Variants in DDR2 observed in about 807,000 individuals in gnomAD.
The protein encoded by DDR2 is discoidin domain receptor tyrosine kinase 2, also known as discoidin domain-containing receptor 2.
DDR2 carries 27 observed loss-of-function variants against 94.9 expected under a neutral mutation model. That is an observed-to-expected ratio of 0.28 (90% CI 0.21 to 0.39). The LOEUF is 0.39. Ranked by LOEUF, DDR2 falls within the 10% of genes least tolerant of loss-of-function variation. DDR2 has a pLI of 1.00. For synonymous variants in DDR2, 382 were observed against 377.2 expected (o/e 1.01, Z -0.15); for missense variants, 783 against 1,076.0 (o/e 0.73, Z 3.81).
intron 2 of DDR2, among the ~76,000 whole-genome samples, chr1:162,709,207 GGGA>G (rs1660788070): frequency 6.6e-6 from 1 of 152,202 alleles, no homozygotes; most frequent in East Asian, 1.9e-4. Context: ...GGAGCAGCAA[GGGA>G]GGTAGGAGGC....
At chr1:162,720,082 G>C (rs1661350658) in intron 3 of DDR2, among the ~76,000 whole-genome samples, 1 of 152,176 alleles carries the variant, frequency 6.6e-6, no homozygotes, top group Non-Finnish European at 1.5e-5. Context: ...CCCAGAGTCA[G>C]AGTGGGAGAG....
At chr1:162,734,810 G>A (rs1033180360) in intron 3 of DDR2, among the ~76,000 whole-genome samples, 2 of 152,200 alleles carry the variant, frequency 1.3e-5, no homozygotes, top group South Asian at 4.1e-4. Context: ...AGACCCAATC[G>A]TGTGGACCTC....
At chr1:162,707,982 C>G (rs1660733942) in intron 2 of DDR2, among the ~76,000 whole-genome samples, 1 of 152,178 alleles carries the variant, frequency 6.6e-6, no homozygotes, top group Non-Finnish European at 1.5e-5. Context: ...AAGTTCCTCA[C>G]TCATGACATT....
At chr1:162,729,300 A>ATTTTTTTTTTTT (rs869269032) in intron 3 of DDR2, among the ~76,000 whole-genome samples, 2 of 94,016 alleles carry the variant, frequency 2.1e-5, no homozygotes, top group African/African-American at 1.1e-4. Flanking sequence ...ATATATATAT[A>ATTTTTTTTTTTT]TTTTTTTTTT....
At chr1:162,653,616 G>A (rs951372199) in intron 1 of DDR2, among the ~76,000 whole-genome samples, 1 of 151,640 alleles carries the variant, frequency 6.6e-6, no homozygotes, top group African/African-American at 2.4e-5. Context: ...GGACATTTGG[G>A]TCCTATTTTC....
rs1046801077 is a variant in DDR2 at position 162,727,575 on chromosome 1, C to G, written c.82+8430C>G. On this transcript the variant is annotated intron_variant, in intron 3 of 17. Transcript: ENST00000367921. ...AAATAAATAAATAAATACAGAGAAGCCTGGGAGTTTCCTTGACTTCCTTTT... is the reference window on the plus strand; with the variant it reads ...AAATAAATAAATAAATACAGAGAAGGCTGGGAGTTTCCTTGACTTCCTTTT... Among the ~76,000 whole-genome samples the G allele has an allele frequency of 3.4e-5, 5 of 148,326 alleles. No homozygotes were observed. The East Asian group carries it at 9.8e-4, about 29-fold the overall frequency.
chr1:162,768,706 T>G (rs1265491249), intron 11 of DDR2, among the ~76,000 whole-genome samples: 4 of 152,228 alleles, frequency 2.6e-5, no homozygotes, highest in Non-Finnish European at 5.9e-5. Context: ...ATGTTTGTTT[T>G]AAGGTTTTTA....
intron 1 of DDR2, among the ~76,000 whole-genome samples, chr1:162,652,563 A>G (rs1382837416): frequency 6.6e-6 from 1 of 152,240 alleles, no homozygotes; most frequent in Non-Finnish European, 1.5e-5. Flanking sequence ...AGCTAAGTCC[A>G]GCACATACGA....
rs1283946682 is a variant in DDR2 at position 162,781,492 on chromosome 1, C to G, written c.*1246C>G. The G allele has an allele frequency of 1.3e-5, 2 of 152,190 alleles. No individual in the cohort carries two copies. The highest frequency in any genetic ancestry group is 2.9e-5 in the Non-Finnish European group (2 of 68,076). 9.4% of individuals were successfully genotyped at this position (152,190 alleles called of 1,614,324 possible). A position where few individuals can be genotyped will look rare whatever the true frequency, so the allele number is the denominator to read the frequency against. On this transcript the variant is annotated 3_prime_UTR_variant, in exon 18 of 18. Transcript: ENST00000367921. ...CACTGGAGAGGTTAAGATAGAGGCTCAAGAACAATGCAAGGAAAATGGAGG... is the reference window on the plus strand; with the variant it reads ...CACTGGAGAGGTTAAGATAGAGGCTGAAGAACAATGCAAGGAAAATGGAGG...
At chr1:162,761,163 C>A (rs1663719025) in intron 8 of DDR2, 48 bp from the exon 9 acceptor site, 1 of 1,612,668 alleles carries the variant, frequency 6.2e-7, no homozygotes, top group East Asian at 2.2e-5. Flanking sequence ...TGTCTCCATG[C>A]ACCTTAGCAG....
chr1:162,637,203 A>G (rs1042933550), intron 1 of DDR2, among the ~76,000 whole-genome samples: 3 of 152,170 alleles, frequency 2.0e-5, no homozygotes, highest in Non-Finnish European at 4.4e-5. Flanking sequence ...TTTAGGTTCT[A>G]GGGAGTATAA....
chr1:162,743,723 C>T (rs771682913), intron 3 of DDR2, among the ~76,000 whole-genome samples: 2 of 152,170 alleles, frequency 1.3e-5, no homozygotes, highest in Non-Finnish European at 2.9e-5. Flanking sequence ...GTACAATAGA[C>T]ATACAATAGA....
At chr1:162,750,108 A>G (rs569884538) in intron 3 of DDR2, among the ~76,000 whole-genome samples, 1 of 151,948 alleles carries the variant, frequency 6.6e-6, no homozygotes, top group African/African-American at 2.4e-5. Flanking sequence ...CTCTCTCACC[A>G]CTCCTATTCA....
At position 162,689,857 on chromosome 1, in the gene DDR2, A is replaced by AAAAT. The variant is rs1659884065; in HGVS notation, c.-27-29177_-27-29176insTAAA. Among the ~76,000 whole-genome samples, 3 of 141,378 alleles carry AAAAT rather than the reference A, an allele frequency of 2.1e-5. 1 individual carries two copies. The highest frequency in any genetic ancestry group is 3.1e-5 in the Non-Finnish European group (2 of 64,584). 92.7% of individuals were successfully genotyped at this position (141,378 alleles called of 152,430 possible). ...CATCTCTACTTAAAAAAAAAAAAAAAAAAAAAAAAATAGCCAGGTGTGGTG... is the reference window on the plus strand; with the variant it reads ...CATCTCTACTTAAAAAAAAAAAAAAAAAATAAAAAAAAAATAGCCAGGTGTGGTG... On this transcript the variant is annotated intron_variant, in intron 2 of 17. Transcript: ENST00000367921.
rs186409415 is a variant in DDR2, at chr1:162,775,533, A to G, written c.1857-119A>G. ...CAATTTCTCTGTCCTCTCAAAAGTT[A>G]TCCAAAGGGAAACAAGATTTGGCAT... is the stretch of plus-strand genomic sequence containing the variant. On this transcript the variant is annotated intron_variant, in intron 14 of 17. Coordinates refer to ENST00000367921, the MANE Select transcript of DDR2 (RefSeq NM_006182.4). The G allele has an allele frequency of 5.1e-4, 557 of 1,099,784 alleles. 1 individual carries two copies. The African/African-American group carries it at 7.2e-3, about 14-fold the overall frequency. The allele number at this position is 1,099,784 out of a possible 1,614,324, so 68.1% of individuals were successfully genotyped here.
intron 3 of DDR2, among the ~76,000 whole-genome samples, chr1:162,729,984 C>T (rs1181910769): frequency 1.3e-5 from 2 of 150,800 alleles, no homozygotes; most frequent in East Asian, 3.9e-4. Context: ...CTCAGGTGAT[C>T]CACCCACCTT....
chr1:162,692,674 A>G (rs552335794), intron 2 of DDR2, among the ~76,000 whole-genome samples: 14 of 152,360 alleles, frequency 9.2e-5, no homozygotes, highest in Non-Finnish European at 1.2e-4. Context: ...AGAGTGGGAA[A>G]TAATGTATAC....
intron 2 of DDR2, among the ~76,000 whole-genome samples, chr1:162,666,751 T>C (rs1250956412): frequency 6.6e-6 from 1 of 152,032 alleles, no homozygotes; most frequent in African/African-American, 2.4e-5. Context: ...ACCTCAAATC[T>C]CACCACTTAA....
intron 2 of DDR2, among the ~76,000 whole-genome samples, chr1:162,714,592 C>T (rs1417530947): frequency 6.6e-6 from 1 of 152,154 alleles, no homozygotes; most frequent in Non-Finnish European, 1.5e-5. Context: ...TTATCTATTT[C>T]TATACCAATT....
Sources: allele counts gnomAD v4.1 joint callset (sites outside exome capture counted in the v4.1 genomes callset), GRCh38; gene constraint gnomAD v4.1.1; transcripts MANE v1.5; gene names NCBI Gene and HGNC (gene_info 2026-07-23, HGNC 2026-07-21).